Variants in CDIP1 observed in about 807,000 individuals in gnomAD.
CDIP1 encodes the protein cell death inducing p53 target 1.
CDIP1 carries 9 observed loss-of-function variants against 17.7 expected under a neutral mutation model. The ratio of observed to expected loss-of-function variants is 0.51; its 90% confidence interval spans 0.31 to 0.89. The LOEUF is 0.89. Among genes scored for constraint, CDIP1 ranks in the 40% least tolerant of loss-of-function variants. CDIP1 has a pLI of 0.05. For missense variants in CDIP1, 263 were observed against 277.9 expected (o/e 0.95, Z 0.38); for synonymous variants, 117 against 109.5 (o/e 1.07, Z -0.43).
In CDIP1 at chr16:4,512,469, G is replaced by C; in HGVS notation, c.*103C>G. On this transcript the variant is annotated 3_prime_UTR_variant, in exon 6 of 6. Transcript: ENST00000567695. The surrounding 1 kb of genome is among the most constrained non-coding windows in gnomAD (Gnocchi z 4.6). ...CAGGACTTCTAGGGGATGGTGGCACGGCTCCCAGCCCCAAGTGGGAGCGGG... is the reference window on the plus strand; with the variant it reads ...CAGGACTTCTAGGGGATGGTGGCACCGCTCCCAGCCCCAAGTGGGAGCGGG... 1 of 827,270 alleles carries C rather than the reference G, an allele frequency of 1.2e-6. No individual in the cohort carries two copies. Among genetic ancestry groups the C allele is most frequent in the East Asian group, 2.6e-5 (1 of 38,512 alleles). 51.2% of individuals were successfully genotyped at this position (827,270 alleles called of 1,614,324 possible).
At position 4,512,849 on chromosome 16, in the gene CDIP1, T is replaced by G; in HGVS notation, c.457A>C (p.Ile153Leu). The change falls in exon 5 of 6, where the codon ATC (isoleucine) becomes CTC (leucine). Residue 153 changes from isoleucine to leucine, a missense_variant. Physicochemically the swap from Ile to Leu is conservative, Grantham distance 5. Coordinates refer to ENST00000567695, the MANE Select transcript of CDIP1 (RefSeq NM_013399.3). The surrounding 1 kb of genome is among the most constrained non-coding windows in gnomAD (Gnocchi z 4.6). ...TTCATCAAGCCAATCTCGTAGGAGATCTTGGTGGTGATGGCCTGCTGGCAG... is the reference window on the plus strand; with the variant it reads ...TTCATCAAGCCAATCTCGTAGGAGAGCTTGGTGGTGATGGCCTGCTGGCAG... ...PHCQQAITTK[I>L]SYEIGLMNFV... 1 of 1,562,136 alleles carries G rather than the reference T, an allele frequency of 6.4e-7. No homozygotes were observed. Among genetic ancestry groups the G allele is most frequent in the Non-Finnish European group, 8.7e-7 (1 of 1,152,718 alleles).
rs1198235764 is a variant in CDIP1, at chr16:4,511,271, ACCCT to A, written c.*1297_*1300del. 6.6e-6 allele frequency: 1 copy of A among 152,602 alleles called. No individual in the cohort carries two copies. The highest frequency in any genetic ancestry group is 1.5e-5 in the Non-Finnish European group (1 of 68,140). The allele number at this position is 152,602 out of a possible 1,614,324, so 9.5% of individuals were successfully genotyped here. ...CTGCCAGTAGACTGCCTGCAGCCCC[ACCCT>A]CTTTCCCTCAAAAAAGAAGGAAGCC... On this transcript the variant is annotated 3_prime_UTR_variant, in exon 6 of 6. Transcript: ENST00000567695.
At chr16:4,535,296 G>C (rs985636350) in intron 1 of CDIP1, among the ~76,000 whole-genome samples, 2 of 152,168 alleles carry the variant, frequency 1.3e-5, no homozygotes, top group Admixed American at 6.5e-5. Flanking sequence ...CGATGGTACT[G>C]AATCACTCAA....
At chr16:4,518,963 C>T (rs1772229743) in intron 1 of CDIP1, among the ~76,000 whole-genome samples, 1 of 152,146 alleles carries the variant, frequency 6.6e-6, no homozygotes, top group Admixed American at 6.5e-5. Context: ...GGGAGACTTG[C>T]GGGGTCTGGG....
chr16:4,530,492 A>G (rs773425400), intron 1 of CDIP1, among the ~76,000 whole-genome samples: 13 of 152,114 alleles, frequency 8.5e-5, no homozygotes, highest in Non-Finnish European at 1.3e-4. Flanking sequence ...TCTACTAGAA[A>G]TACAAAATTA....
chr16:4,525,791 G>A (rs1306291980), intron 1 of CDIP1, among the ~76,000 whole-genome samples: 1 of 152,206 alleles, frequency 6.6e-6, no homozygotes, highest in African/African-American at 2.4e-5. Context: ...CCTTCTCTGG[G>A]ACCGTTGTCC....
intron 1 of CDIP1, among the ~76,000 whole-genome samples, chr16:4,516,531 T>C (rs2141632477): frequency 6.6e-6 from 1 of 152,208 alleles, no homozygotes; most frequent in South Asian, 2.1e-4. Context: ...TTGGTTTTGT[T>C]TTGTAGAGAC....
Position 4,514,171 on chromosome 16 carries a change from T to G in CDIP1, c.-14-27A>C. 7.6e-7 allele frequency: 1 copy of G among 1,310,088 alleles called. No homozygotes were observed. The highest frequency in any genetic ancestry group is 1.0e-6 in the Non-Finnish European group (1 of 958,178). The allele number at this position is 1,310,088 out of a possible 1,614,324, so 81.2% of individuals were successfully genotyped here. ...TGGACATGGAGGGAAAACCCAGACA[T>G]GAACTAAGCTCCCAGCCAGGTTCCT... On this transcript the variant is annotated intron_variant, in intron 2 of 5. Coordinates refer to ENST00000567695, the MANE Select transcript of CDIP1 (RefSeq NM_013399.3). The surrounding 1 kb of genome is among the most constrained non-coding windows in gnomAD (Gnocchi z 5.2).
At chr16:4,533,458 C>T (rs1048499594) in intron 1 of CDIP1, 2 of 152,294 alleles carry the variant, frequency 1.3e-5, no homozygotes, top group Admixed American at 6.5e-5. Flanking sequence ...GCTCTCCAGC[C>T]AGAGGACCCT....
chr16:4,514,973 T>C lies in CDIP1; in HGVS notation c.-104-309A>G. On this transcript the variant is annotated intron_variant, in intron 1 of 5. Transcript: ENST00000567695. This position sits in a 1 kb window ranked among gnomAD's most constrained non-coding sequence, Gnocchi z 5.2. ...CTGCCAGGCAAGCTGTGCTCTGGCC[T>C]GTGCCCTTCTGGTTTGTTTGTTGAG... is the stretch of plus-strand genomic sequence containing the variant. 1 of 152,608 alleles carries C rather than the reference T, an allele frequency of 6.6e-6. No individual in the cohort carries two copies. The highest frequency in any genetic ancestry group is 1.5e-5 in the Non-Finnish European group (1 of 68,196). The allele number at this position is 152,608 out of a possible 1,614,324, so 9.5% of individuals were successfully genotyped here.
chr16:4,518,391 G>A (rs1820315689), intron 1 of CDIP1, among the ~76,000 whole-genome samples: 2 of 152,246 alleles, frequency 1.3e-5, no homozygotes, highest in African/African-American at 2.4e-5. Context: ...GCAGGCCACA[G>A]GGAAGGGTCT....
intron 1 of CDIP1, among the ~76,000 whole-genome samples, chr16:4,526,931 T>C (rs1021566627): frequency 6.6e-6 from 1 of 151,552 alleles, no homozygotes; most frequent in South Asian, 2.1e-4. Context: ...GACTCTCCAG[T>C]CTCAGATTTT....
intron 1 of CDIP1, among the ~76,000 whole-genome samples, chr16:4,516,698 C>CTTTTTT (rs767463500): frequency 7.2e-4 from 56 of 78,062 alleles, no homozygotes; most frequent in Non-Finnish European, 7.9e-4. Context: ...GTTTTAAATC[C>CTTTTTT]TTTTTTTTTT....
chr16:4,519,826 A>G (rs1049911599), intron 1 of CDIP1, among the ~76,000 whole-genome samples: 10 of 151,676 alleles, frequency 6.6e-5, no homozygotes, highest in Admixed American at 2.0e-4. Context: ...ATCTCTGCAC[A>G]GAGACCCCCC....
Position 4,512,171 on chromosome 16 carries a change from C to T in CDIP1, c.*401G>A, listed in dbSNP as rs951481394. 8 of 209,384 alleles carry T rather than the reference C, an allele frequency of 3.8e-5. No individual in the cohort carries two copies. The highest frequency in any genetic ancestry group is 3.1e-4 in the Admixed American group (6 of 19,108). 13.0% of individuals were successfully genotyped at this position (209,384 alleles called of 1,614,324 possible). ...AGCAGGTCAGAAACGCCTGTGGCCA[C>T]AGGCCTGGGGACTAACTGGCTAACT... On this transcript the variant is annotated 3_prime_UTR_variant, in exon 6 of 6. Transcript: ENST00000567695. This position sits in a 1 kb window ranked among gnomAD's most constrained non-coding sequence, Gnocchi z 4.6.
At chr16:4,528,838 A>T (rs1275318816) in intron 1 of CDIP1, among the ~76,000 whole-genome samples, 1 of 151,958 alleles carries the variant, frequency 6.6e-6, no homozygotes, top group African/African-American at 2.4e-5. Context: ...AAAATACAAA[A>T]ATTAGCCAGG....
rs555127212 is a variant in CDIP1, at chr16:4,511,912, A to G, written c.*660T>C. 1 of 153,980 alleles carries G rather than the reference A, an allele frequency of 6.5e-6. No individual in the cohort carries two copies. Among genetic ancestry groups the G allele is most frequent in the Non-Finnish European group, 1.4e-5 (1 of 69,270 alleles). The allele number at this position is 153,980 out of a possible 1,614,324, so 9.5% of individuals were successfully genotyped here. On this transcript the variant is annotated 3_prime_UTR_variant, in exon 6 of 6. Transcript: ENST00000567695. ...AGGGTCTGATCATTCACCCAGGTACAGTGTCCTCTCTACCTGACACCAGGC... is the reference window on the plus strand; with the variant it reads ...AGGGTCTGATCATTCACCCAGGTACGGTGTCCTCTCTACCTGACACCAGGC...
At chr16:4,523,069 C>T (rs1056692832) in intron 1 of CDIP1, among the ~76,000 whole-genome samples, 1 of 152,206 alleles carries the variant, frequency 6.6e-6, no homozygotes, top group African/African-American at 2.4e-5. Flanking sequence ...GTAGCTGTTC[C>T]GCCTATTCTC....
rs1056641378 is a variant in CDIP1, at chr16:4,512,059, G to A, written c.*513C>T. 12 of 161,100 alleles carry A rather than the reference G, an allele frequency of 7.4e-5. 1 individual carries two copies. The highest frequency in any genetic ancestry group is 5.8e-4 in the Admixed American group (10 of 17,192). 10.0% of individuals were successfully genotyped at this position (161,100 alleles called of 1,614,324 possible). On this transcript the variant is annotated 3_prime_UTR_variant, in exon 6 of 6. Coordinates refer to ENST00000567695, the MANE Select transcript of CDIP1 (RefSeq NM_013399.3). The surrounding 1 kb of genome is among the most constrained non-coding windows in gnomAD (Gnocchi z 4.6). ...GCCCCACCTCTAGCACCCCAGAGGC[G>A]CAAAGTACCCAGAAACAAACCCAGG...
Sources: gnomAD v4.1 joint callset for allele counts (sites outside exome capture counted in the v4.1 genomes callset) on GRCh38, gnomAD v4.1.1 for gene constraint, Gnocchi (gnomAD v3.1) non-coding constraint, MANE v1.5 for transcripts, NCBI Gene and HGNC (gene_info 2026-07-23, HGNC 2026-07-21) for gene names.